TNFRSF11A: variants seen among roughly 807,000 people sequenced by gnomAD.
TNFRSF11A encodes tumor necrosis factor receptor superfamily member 11A.
TNFRSF11A carries 32 observed loss-of-function variants against 55.7 expected under a neutral mutation model. That is an observed-to-expected ratio of 0.57 (90% confidence interval 0.43 to 0.77). TNFRSF11A has a LOEUF of 0.77. TNFRSF11A is among the 30% of genes least tolerant of loss of function. The pLI, the probability that TNFRSF11A is intolerant of heterozygous loss-of-function variation, is 0.00. For missense variants in TNFRSF11A, 753 were observed against 809.8 expected (o/e 0.93, Z 0.85); for synonymous variants, 311 against 331.0 (o/e 0.94, Z 0.65).
chr18:62,370,272 G>C (rs1294380912), intron 9 of TNFRSF11A, among the ~76,000 whole-genome samples: 1 of 152,160 alleles, frequency 6.6e-6, no homozygotes, highest in Non-Finnish European at 1.5e-5. Context: ...CTGGCTCTGA[G>C]AATTAACTGT....
In TNFRSF11A at chr18:62,359,982, A is replaced by G; in HGVS notation, c.549A>G (p.Glu183=). Reference sequence around the variant, plus strand: ...GTACCTTCCTTGGAAAGAGAGTAGAACATCATGGGACAGAGAAATCCGATG... The same window carrying G: ...GTACCTTCCTTGGAAAGAGAGTAGAGCATCATGGGACAGAGAAATCCGATG... ...TNCTFLGKRV[E]HHGTEKSDAV... The change falls in exon 6 of 10, where the codon GAA becomes GAG. Residue 183 remains glutamate (E), a synonymous_variant. Coordinates refer to ENST00000586569, the MANE Select transcript of TNFRSF11A (RefSeq NM_003839.4). The G allele has an allele frequency of 6.2e-7, 1 of 1,614,028 alleles. No homozygotes were observed. The highest frequency in any genetic ancestry group is 8.5e-7 in the Non-Finnish European group (1 of 1,179,890).
rs1568490511 is a variant in TNFRSF11A at position 62,369,175 on chromosome 18, A to G, written c.1258A>G (p.Asn420Asp). 1.9e-6 allele frequency: 3 copies of G among 1,614,104 alleles called. No individual in the cohort carries two copies. Among genetic ancestry groups the G allele is most frequent in the Non-Finnish European group, 2.5e-6 (3 of 1,180,042 alleles). ...RTDWTPMSSE[N>D]YLQKEVDSGH... ...TGATTGGACTCCCATGTCCTCTGAA[A>G]ACTACTTGCAAAAAGAGGTGGACAG... Residue 420 changes from asparagine (N) to aspartate (D), a missense_variant, in exon 9 of 10, where the codon AAC becomes GAC. Physicochemically the swap from Asn to Asp is conservative, Grantham distance 23. Transcript: ENST00000586569.
chr18:62,381,347 C>T (rs931512702), intron 9 of TNFRSF11A, among the ~76,000 whole-genome samples: 2 of 152,290 alleles, frequency 1.3e-5, no homozygotes, highest in East Asian at 3.9e-4. Context: ...GATTCAGACT[C>T]ATCAGAGGTT....
intron 9 of TNFRSF11A, among the ~76,000 whole-genome samples, chr18:62,376,882 T>G (rs554062410): frequency 9.4e-4 from 143 of 152,326 alleles, no homozygotes; most frequent in African/African-American, 3.2e-3. Context: ...GAATCTAAGT[T>G]TCCTCCATGT....
intron 9 of TNFRSF11A, among the ~76,000 whole-genome samples, chr18:62,384,294 T>TTTCCTCCCCTCCTCCTTTCCTG (rs1370527449): frequency 1.6e-5 from 2 of 127,954 alleles, no homozygotes; most frequent in African/African-American, 6.0e-5. Flanking sequence ...TCCTCCTCCT[T>TTTCCTCCCCTCCTCCTTTCCTG]TTCCTCCCCT....
At chr18:62,382,333 A>ACT (rs1277260163) in intron 9 of TNFRSF11A, among the ~76,000 whole-genome samples, 1 of 150,194 alleles carries the variant, frequency 6.7e-6, no homozygotes, top group Non-Finnish European at 1.5e-5. Context: ...CTGGTCTTGA[A>ACT]CTCCTGACCC....
chr18:62,374,195 A>C (rs147812848), intron 9 of TNFRSF11A: 8 of 152,368 alleles, frequency 5.3e-5, no homozygotes, highest in Non-Finnish European at 1.0e-4. Context: ...AAATGTGGTC[A>C]CTGTGTGTAC....
chr18:62,378,653 A>G (rs1018427166), intron 9 of TNFRSF11A, among the ~76,000 whole-genome samples: 16 of 152,222 alleles, frequency 1.1e-4, no homozygotes, highest in Admixed American at 4.6e-4. Flanking sequence ...TTTGACCCTT[A>G]TGCTATCCTG....
At chr18:62,354,367 T>C (rs751953860) in intron 3 of TNFRSF11A, 24 bp from the exon 4 acceptor site, 20 of 1,551,154 alleles carry the variant, frequency 1.3e-5, no homozygotes, top group Admixed American at 5.6e-5. Flanking sequence ...CCCTGGCCAC[T>C]GACCTGTCTC....
chr18:62,384,926 C>T lies in TNFRSF11A; in HGVS notation c.1743C>T (p.Phe581=), dbSNP rs1284107245. ...AGACCCTGGCGCGCCGAGACTCCTT[C>T]GCGGGGAACGGCCCGCGCTTCCCGG... ...QEETLARRDS[F]AGNGPRFPDP... is the part of the protein sequence containing the mutation. Residue 581 remains phenylalanine (F), a synonymous_variant, in exon 10 of 10, where the codon TTC becomes TTT. Coordinates refer to ENST00000586569, the MANE Select transcript of TNFRSF11A (RefSeq NM_003839.4). 2 of 1,551,688 alleles carry T rather than the reference C, an allele frequency of 1.3e-6. No individual in the cohort carries two copies. The highest frequency in any genetic ancestry group is 1.7e-6 in the Non-Finnish European group (2 of 1,150,222).
At chr18:62,349,754 T>C in intron 2 of TNFRSF11A, 58 bp from the exon 3 acceptor site, 1 of 1,606,458 alleles carries the variant, frequency 6.2e-7, no homozygotes, top group Non-Finnish European at 8.5e-7. Flanking sequence ...TTTTGCTTTG[T>C]GTTGCTGTTT....
intron 3 of TNFRSF11A, 145 bp downstream of exon 3, chr18:62,350,082 GT>G: frequency 9.2e-7 from 1 of 1,085,492 alleles, no homozygotes; most frequent in Non-Finnish European, 1.3e-6. Flanking sequence ...AGAAAGATGC[GT>G]TTTAGATCCC....
intron 9 of TNFRSF11A, among the ~76,000 whole-genome samples, chr18:62,381,146 T>C (rs1305631821): frequency 6.6e-6 from 1 of 152,196 alleles, no homozygotes; most frequent in Non-Finnish European, 1.5e-5. Flanking sequence ...AAACAAAGGA[T>C]TCTGAAATGT....
rs1388423385 is a variant in TNFRSF11A, at chr18:62,369,027, C to T, written c.1110C>T (p.Ser370=). 3.1e-6 allele frequency: 5 copies of T among 1,614,220 alleles called. No homozygotes were observed. Among genetic ancestry groups the T allele is most frequent in the Non-Finnish European group, 3.4e-6 (4 of 1,180,046 alleles). The change falls in exon 9 of 10, where the codon TCC becomes TCT. Residue 370 remains serine (S), a synonymous_variant. Coordinates refer to ENST00000586569, the MANE Select transcript of TNFRSF11A (RefSeq NM_003839.4). ...TCCTCACTGAGCCTGGAAGCAAATCCACACCTCCTTTCTCTGAACCCCTGG... is the reference window on the plus strand; with the variant it reads ...TCCTCACTGAGCCTGGAAGCAAATCTACACCTCCTTTCTCTGAACCCCTGG... ...LLFLTEPGSK[S]TPPFSEPLEV... is the part of the protein sequence containing the mutation.
intron 1 of TNFRSF11A, among the ~76,000 whole-genome samples, chr18:62,341,836 C>CTTTTTTTTTTTT (rs34047775): frequency 2.3e-5 from 2 of 85,214 alleles, no homozygotes; most frequent in African/African-American, 4.7e-5. Flanking sequence ...CTGAGAATGG[C>CTTTTTTTTTTTT]TTTTTTTTTT....
intron 4 of TNFRSF11A, 141 bp downstream of exon 4, chr18:62,354,675 G>C: frequency 7.8e-7 from 1 of 1,283,100 alleles, no homozygotes; most frequent in Non-Finnish European, 1.1e-6. Flanking sequence ...AAAGGTGGGG[G>C]CTGATTTTCC....
chr18:62,332,984 A>C (rs947268601), intron 1 of TNFRSF11A, among the ~76,000 whole-genome samples: 1 of 152,170 alleles, frequency 6.6e-6, no homozygotes, highest in Non-Finnish European at 1.5e-5. Flanking sequence ...CGAGTGGAGA[A>C]TCGGGCAGGG....
intron 9 of TNFRSF11A, among the ~76,000 whole-genome samples, chr18:62,371,083 G>T (rs1203777036): frequency 2.0e-5 from 3 of 152,218 alleles, no homozygotes; most frequent in Non-Finnish European, 4.4e-5. Context: ...ACCTGCCTCA[G>T]TCTCCCAAAG....
chr18:62,376,615 G>A (rs141593806), intron 9 of TNFRSF11A, among the ~76,000 whole-genome samples: 1 of 152,026 alleles, frequency 6.6e-6, no homozygotes, highest in African/African-American at 2.4e-5. Flanking sequence ...GACACATTGG[G>A]GTCCACTCTT....
Sources: allele counts gnomAD v4.1 joint callset (sites outside exome capture counted in the v4.1 genomes callset), GRCh38; gene constraint gnomAD v4.1.1; transcripts MANE v1.5; gene names NCBI Gene and HGNC (gene_info 2026-07-23, HGNC 2026-07-21).